The following RGS7 variants were observed in gnomAD, a reference collection of about 807,000 sequenced individuals.
RGS7 encodes the protein regulator of G protein signaling 7.
A neutral mutation model predicts 81.1 loss-of-function variants in RGS7; 27 were observed. That is an observed-to-expected ratio of 0.33 (90% CI 0.25 to 0.46). The LOEUF is 0.46. RGS7 is among the 20% of genes least tolerant of loss of function. The probability of loss-of-function intolerance (pLI) is 1.00; values close to 1 mark genes in which losing one functional copy is unlikely to be tolerated. For synonymous variants in RGS7, 208 were observed against 207.7 expected (o/e 1.00, Z -0.01); for missense variants, 396 against 607.4 (o/e 0.65, Z 3.66).
intron 2 of RGS7, among the ~76,000 whole-genome samples, chr1:241,297,173 T>C (rs1915864): frequency 0.73 from 110,648 of 151,928 alleles, 41,448 homozygotes; most frequent in East Asian, 0.98. Flanking sequence ...AACTGCTGTA[T>C]CCCCAGAACT....
At chr1:240,931,036 A>G (rs1038908423) in intron 5 of RGS7, among the ~76,000 whole-genome samples, 4 of 152,226 alleles carry the variant, frequency 2.6e-5, no homozygotes, top group African/African-American at 9.6e-5. Context: ...CAACTGACAT[A>G]AAGGCAAAAA....
chr1:241,159,005 G>A (rs2069408504), intron 2 of RGS7, among the ~76,000 whole-genome samples: 1 of 152,110 alleles, frequency 6.6e-6, no homozygotes. Flanking sequence ...GCACCCAAGA[G>A]TTTGTGCCAA....
chr1:240,991,521 A>G (rs1686457402), intron 3 of RGS7, among the ~76,000 whole-genome samples: 2 of 152,166 alleles, frequency 1.3e-5, no homozygotes, highest in Non-Finnish European at 1.5e-5. Flanking sequence ...GGAAATGCGG[A>G]GTTAAGAGAA....
chr1:241,355,711 C>T lies in RGS7; in HGVS notation c.66G>A (p.Leu22=). The change falls in exon 2 of 19, where the codon CTG becomes CTA. Residue 22 remains leucine, a synonymous_variant. Coordinates refer to ENST00000440928, the MANE Select transcript of RGS7 (RefSeq NM_001364886.1). ...AAGACATTCTTACCTTTCTGTACAC[C>T]AGCATGTTGGGTGATTCATCGGCCA... ...NGVADESPNM[L]VYRKMEDVIA... 6.2e-7 allele frequency: 1 copy of T among 1,614,008 alleles called. No individual in the cohort carries two copies. Among genetic ancestry groups the T allele is most frequent in the Non-Finnish European group, 8.5e-7 (1 of 1,179,890 alleles).
intron 9 of RGS7, among the ~76,000 whole-genome samples, chr1:240,853,669 G>T (rs1196739459): frequency 6.6e-6 from 1 of 152,044 alleles, no homozygotes; most frequent in Non-Finnish European, 1.5e-5. Flanking sequence ...ACTTTGGGAG[G>T]CCGAGGCGGG....
At chr1:241,124,264 G>A (rs533914405) in intron 2 of RGS7, among the ~76,000 whole-genome samples, 1 of 151,190 alleles carries the variant, frequency 6.6e-6, no homozygotes, top group Non-Finnish European at 1.5e-5. Flanking sequence ...ACATAGTGCT[G>A]CACGCCTATA....
chr1:241,269,179 C>T (rs2077743939), intron 2 of RGS7, among the ~76,000 whole-genome samples: 1 of 152,240 alleles, frequency 6.6e-6, no homozygotes, highest in African/African-American at 2.4e-5. Context: ...GAAGAGTTGA[C>T]AGACTCGTGG....
Position 241,341,870 on chromosome 1 carries a change from CTTTTTT to C in RGS7, c.78+13823_78+13828del, listed in dbSNP as rs35903618. 4.5e-5 allele frequency among the ~76,000 whole-genome samples: 4 copies of C among 89,524 alleles called. No homozygotes were observed. In the South Asian group the frequency reaches 1.6e-3, roughly 36 times the overall value. The allele number at this position is 89,524 out of a possible 152,430, so 58.7% of individuals were successfully genotyped here. A position where few individuals can be genotyped will look rare whatever the true frequency, so the allele number is the denominator to read the frequency against. On this transcript the variant is annotated intron_variant, in intron 2 of 18. Transcript: ENST00000440928. ...AGGTACAAGTAGACACTCTTCAACT[CTTTTTT>C]TTTTTTTTTTTTTTTTTTGAGACAG...
At chr1:241,215,643 T>C (rs2147951708) in intron 2 of RGS7, among the ~76,000 whole-genome samples, 1 of 152,316 alleles carries the variant, frequency 6.6e-6, no homozygotes, top group African/African-American at 2.4e-5. Flanking sequence ...CAAAAATTTT[T>C]TTTGGCCTCA....
intron 2 of RGS7, among the ~76,000 whole-genome samples, chr1:241,138,819 CT>C (rs1031197366): frequency 6.6e-6 from 1 of 151,930 alleles, no homozygotes; most frequent in African/African-American, 2.4e-5. Flanking sequence ...ATAATATATG[CT>C]TTTTTTAAAA....
intron 3 of RGS7, among the ~76,000 whole-genome samples, chr1:241,097,763 A>T (rs2102879230): frequency 6.6e-6 from 1 of 152,154 alleles, no homozygotes; most frequent in East Asian, 1.9e-4. Flanking sequence ...GGCTTATCTT[A>T]TTACTCTTCC....
chr1:240,795,897 G>A (rs1319795340), intron 18 of RGS7, among the ~76,000 whole-genome samples: 1 of 152,096 alleles, frequency 6.6e-6, no homozygotes, highest in African/African-American at 2.4e-5. Context: ...GTCATCTAGA[G>A]GTGAAGAAAC....
At chr1:241,071,874 C>CACAAAAAAAAAAAA (rs2062474443) in intron 3 of RGS7, among the ~76,000 whole-genome samples, 1 of 56,856 alleles carries the variant, frequency 1.8e-5, no homozygotes, top group Non-Finnish European at 2.9e-5. Flanking sequence ...GAGACCCTGT[C>CACAAAAAAAAAAAA]AAAAAAAAAA....
chr1:241,304,067 T>C (rs1254125685), intron 2 of RGS7, among the ~76,000 whole-genome samples: 1 of 152,262 alleles, frequency 6.6e-6, no homozygotes, highest in Non-Finnish European at 1.5e-5. Flanking sequence ...GAAATTTATA[T>C]TAATCAATCA....
chr1:240,843,016 T>A (rs1277979977), intron 9 of RGS7, among the ~76,000 whole-genome samples: 2 of 151,634 alleles, frequency 1.3e-5, no homozygotes, highest in African/African-American at 2.4e-5. Context: ...AATACAAAAA[T>A]TAGCTAGGCA....
At chr1:240,916,128 A>AAAAAAAAAAC (rs1672569856) in intron 6 of RGS7, among the ~76,000 whole-genome samples, 1 of 151,114 alleles carries the variant, frequency 6.6e-6, no homozygotes, top group Non-Finnish European at 1.5e-5. Flanking sequence ...AAAAAAAAAA[A>AAAAAAAAAAC]AAATTAGCAC....
chr1:241,270,066 CT>C (rs556843212), intron 2 of RGS7, among the ~76,000 whole-genome samples: 354 of 152,300 alleles, frequency 2.3e-3, no homozygotes, highest in Non-Finnish European at 4.2e-3. Context: ...ATCACAAAAT[CT>C]TAGTTAATCC....
intron 2 of RGS7, among the ~76,000 whole-genome samples, chr1:241,327,142 G>GAAAAGA (rs563253403): frequency 0.014 from 1,203 of 85,206 alleles, 70 homozygotes; most frequent in Non-Finnish European, 0.022. Context: ...AAGAAAGAAA[G>GAAAAGA]AAAGGAAAGA....
chr1:241,106,716 C>CA (rs757488665), intron 2 of RGS7, among the ~76,000 whole-genome samples: 2,937 of 33,722 alleles, frequency 0.087, 338 homozygotes, highest in African/African-American at 0.2. Context: ...ACTCCGTCTC[C>CA]AAAAAAAAAA....
Sources: gnomAD v4.1 joint callset for allele counts (sites outside exome capture counted in the v4.1 genomes callset) on GRCh38, gnomAD v4.1.1 for gene constraint, MANE v1.5 for transcripts, NCBI Gene and HGNC (gene_info 2026-07-23, HGNC 2026-07-21) for gene names.